The following CLIP3 variants were observed in gnomAD, a reference collection of about 807,000 sequenced individuals.
The protein encoded by CLIP3 is CAP-Gly domain-containing linker protein 3.
CLIP3 carries 15 observed loss-of-function variants against 59.4 expected under a neutral mutation model. That is an observed-to-expected ratio of 0.25 (90% CI 0.17 to 0.39). The LOEUF (loss-of-function observed/expected upper bound fraction) is 0.39, where lower values mean the gene tolerates loss of function less well. Among genes scored for constraint, CLIP3 ranks in the 10% least tolerant of loss-of-function variants. The probability of loss-of-function intolerance (pLI) is 1.00; values close to 1 mark genes in which losing one functional copy is unlikely to be tolerated. For missense variants in CLIP3, 495 were observed against 765.7 expected, an observed-to-expected ratio of 0.65 and a Z score of 4.17; for synonymous variants, 300 against 321.6, an observed-to-expected ratio of 0.93 and a Z score of 0.72.
chr19:36,019,162 C>T lies in CLIP3; in HGVS notation c.1054+9G>A, dbSNP rs199604930. 684 of 1,613,906 alleles carry T rather than the reference C, an allele frequency of 4.2e-4. 5 individuals are homozygous for T. The East Asian group carries it at 7.8e-3, about 18-fold the overall frequency. On this transcript the variant is annotated intron_variant, in intron 8 of 13. Coordinates refer to ENST00000360535, the MANE Select transcript of CLIP3 (RefSeq NM_015526.3). ...GCCACACCCCTCTTGGGCCCGAGGT[C>T]GGACTAACCCTGCTTGGGAGGGCAG...
In CLIP3 at chr19:36,026,485, C is replaced by T. The variant is rs1417060542; in HGVS notation, c.562+101G>A. On this transcript the variant is annotated intron_variant, in intron 5 of 13. Coordinates refer to ENST00000360535, the MANE Select transcript of CLIP3 (RefSeq NM_015526.3). The surrounding 1 kb of genome is among the most constrained non-coding windows in gnomAD (Gnocchi z 6.3). The stretch of plus-strand genomic sequence containing the variant: ...CGCCTCCAACCTCCCGCTATCTCCT[C>T]AGATCACCGTCCTCCTTCCCCTCGC... 4 of 1,510,630 alleles carry T rather than the reference C, an allele frequency of 2.6e-6. No homozygotes were observed. Among genetic ancestry groups the T allele is most frequent in the Non-Finnish European group, 3.6e-6 (4 of 1,109,996 alleles). The allele number at this position is 1,510,630 out of a possible 1,614,324, so 93.6% of individuals were successfully genotyped here.
rs983925993 is a variant in CLIP3 at position 36,016,279 on chromosome 19, C to T, written c.1590-67G>A. 3 of 1,569,616 alleles carry T rather than the reference C, an allele frequency of 1.9e-6. No homozygotes were observed. In the Admixed American group the frequency reaches 5.1e-5, roughly 27 times the overall value. ...CGGGGACATCTGCACCCATCACCCC[C>T]AGCCTTTCCCCCAGTGTTTGCTATC... On this transcript the variant is annotated intron_variant, in intron 13 of 13. Coordinates refer to ENST00000360535, the MANE Select transcript of CLIP3 (RefSeq NM_015526.3). This position sits in a 1 kb window ranked among gnomAD's most constrained non-coding sequence, Gnocchi z 4.1.
chr19:36,032,391 G>T lies in CLIP3; in HGVS notation c.-34C>A. 8.8e-7 allele frequency: 1 copy of T among 1,140,896 alleles called. No individual in the cohort carries two copies. The highest frequency in any genetic ancestry group is 1.1e-6 in the Non-Finnish European group (1 of 891,622). 70.7% of individuals were successfully genotyped at this position (1,140,896 alleles called of 1,614,324 possible). On this transcript the variant is annotated 5_prime_UTR_variant, in exon 2 of 14. Transcript: ENST00000360535. This position sits in a 1 kb window ranked among gnomAD's most constrained non-coding sequence, Gnocchi z 4.3. ...GTGGCCCTCGGGGGGCGGGTGCAGAGTTGGGGGCAGCCTTCAGGCAAATCC... is the reference window on the plus strand; with the variant it reads ...GTGGCCCTCGGGGGGCGGGTGCAGATTTGGGGGCAGCCTTCAGGCAAATCC...
intron 6 of CLIP3, among the ~76,000 whole-genome samples, chr19:36,025,622 G>C (rs1204841963): frequency 6.6e-6 from 1 of 151,596 alleles, no homozygotes; most frequent in Non-Finnish European, 1.5e-5. Context: ...GAGAGAGTGA[G>C]AGTGGGCTCC....
chr19:36,031,023 CT>C (rs55762943), intron 2 of CLIP3, among the ~76,000 whole-genome samples: 1,237 of 80,068 alleles, frequency 0.015, 20 homozygotes, highest in East Asian at 0.083. Flanking sequence ...TTTTTTTTTT[CT>C]TTTTTTTTTT....
At position 36,032,873 on chromosome 19, in the gene CLIP3, G is replaced by C. The variant is rs1214390102; in HGVS notation, c.-208C>G. The C allele has an allele frequency of 6.6e-6, 1 of 152,520 alleles. No individual in the cohort carries two copies. The highest frequency in any genetic ancestry group is 1.9e-4 in the East Asian group (1 of 5,190). The allele number at this position is 152,520 out of a possible 1,614,324, so 9.4% of individuals were successfully genotyped here. A position where few individuals can be genotyped will look rare whatever the true frequency, so the allele number is the denominator to read the frequency against. On this transcript the variant is annotated 5_prime_UTR_variant, in exon 1 of 14. Coordinates refer to ENST00000360535, the MANE Select transcript of CLIP3 (RefSeq NM_015526.3). The surrounding 1 kb of genome is among the most constrained non-coding windows in gnomAD (Gnocchi z 4.3). ...CGCCGACAGGGGGTGGGGGCGGAGA[G>C]GGAGGGGCGCGACTGCGCATGCGCC...
At chr19:36,029,704 A>G (rs949847926) in intron 2 of CLIP3, among the ~76,000 whole-genome samples, 2 of 151,786 alleles carry the variant, frequency 1.3e-5, no homozygotes, top group Non-Finnish European at 2.9e-5. Context: ...CTATGATTCT[A>G]TTCTGCCTCA....
At position 36,016,330 on chromosome 19, in the gene CLIP3, C is replaced by G. The variant is rs1392014544; in HGVS notation, c.1590-118G>C. ...AGGCCTTTCTGGATTCTGCCTCTAC[C>G]TCTCTGGCTGTGGTTTGTTTGTTTG... On this transcript the variant is annotated intron_variant, in intron 13 of 13. Transcript: ENST00000360535. This position sits in a 1 kb window ranked among gnomAD's most constrained non-coding sequence, Gnocchi z 4.1. 8.9e-7 allele frequency: 1 copy of G among 1,126,776 alleles called. No homozygotes were observed. The highest frequency in any genetic ancestry group is 1.3e-6 in the Non-Finnish European group (1 of 758,740). 69.8% of individuals were successfully genotyped at this position (1,126,776 alleles called of 1,614,324 possible).
rs1968788884 is a variant in CLIP3 at position 36,016,058 on chromosome 19, A to C, written c.*100T>G. 1 of 1,258,500 alleles carries C rather than the reference A, an allele frequency of 7.9e-7. No homozygotes were observed. Among genetic ancestry groups the C allele is most frequent in the South Asian group, 1.2e-5 (1 of 80,702 alleles). 78.0% of individuals were successfully genotyped at this position (1,258,500 alleles called of 1,614,324 possible). ...TGGCTAACAGGGGTCTCTACTCTGG[A>C]TGTGTTACTGGGAATCTCTATCTCA... On this transcript the variant is annotated 3_prime_UTR_variant, in exon 14 of 14. Transcript: ENST00000360535. This position sits in a 1 kb window ranked among gnomAD's most constrained non-coding sequence, Gnocchi z 4.1.
chr19:36,016,711 C>T lies in CLIP3; in HGVS notation c.1589+196G>A, dbSNP rs532533269. ...GTTCTGCTTCCTTTACCGGCCCACC[C>T]GAAAGTGGAATTCACTAGAATTCAG... On this transcript the variant is annotated intron_variant, in intron 13 of 13. Coordinates refer to ENST00000360535, the MANE Select transcript of CLIP3 (RefSeq NM_015526.3). This position sits in a 1 kb window ranked among gnomAD's most constrained non-coding sequence, Gnocchi z 4.1. The T allele has an allele frequency of 1.6e-5, 10 of 609,730 alleles. No homozygotes were observed. Among genetic ancestry groups the T allele is most frequent in the Non-Finnish European group, 2.6e-5 (9 of 342,948 alleles). 37.8% of individuals were successfully genotyped at this position (609,730 alleles called of 1,614,324 possible).
At chr19:36,017,564 C>G in intron 11 of CLIP3, 91 bp downstream of exon 11, 1 of 1,602,140 alleles carries the variant, frequency 6.2e-7, no homozygotes, top group Non-Finnish European at 8.5e-7. Context: ...GGTGTCCACA[C>G]TGTCCTGCTG....
chr19:36,025,590 C>CAA (rs67275508), intron 6 of CLIP3, among the ~76,000 whole-genome samples: 1,205 of 110,702 alleles, frequency 0.011, 8 homozygotes, highest in Non-Finnish European at 0.013. Context: ...GTCTCTGTCT[C>CAA]AAAAAAAAAA....
At position 36,017,939 on chromosome 19, in the gene CLIP3, G is replaced by T. The variant is rs145094010; in HGVS notation, c.1236C>A (p.Asp412Glu). ...SPSLGSLQQR[D>E]GAKAEVGDQV... Reference sequence around the variant, plus strand: ...GGTCTCCAACCTCAGCCTTGGCCCCGTCACGCTGCTGCAAGCTGCCCAGAG... The same window carrying T: ...GGTCTCCAACCTCAGCCTTGGCCCCTTCACGCTGCTGCAAGCTGCCCAGAG... Residue 412 changes from aspartate to glutamate, a missense_variant, in exon 10 of 14, where the codon GAC (aspartate) becomes GAA (glutamate). Physicochemically the swap from Asp to Glu is conservative, Grantham distance 45. Coordinates refer to ENST00000360535, the MANE Select transcript of CLIP3 (RefSeq NM_015526.3). The T allele has an allele frequency of 6.2e-7, 1 of 1,614,016 alleles. No individual in the cohort carries two copies.
chr19:36,019,598 A>ATTT (rs200645934), intron 7 of CLIP3, among the ~76,000 whole-genome samples: 1,349 of 99,136 alleles, frequency 0.014, 20 homozygotes, highest in East Asian at 0.074. Flanking sequence ...TTATTTATTT[A>ATTT]TTTTATTTAT....
At chr19:36,030,253 C>G (rs938122321) in intron 2 of CLIP3, among the ~76,000 whole-genome samples, 5 of 151,946 alleles carry the variant, frequency 3.3e-5, no homozygotes, top group Non-Finnish European at 7.4e-5. Flanking sequence ...GGGTCTTGCT[C>G]CATTGCCCAG....
At chr19:36,030,874 C>T (rs1969235268) in intron 2 of CLIP3, among the ~76,000 whole-genome samples, 1 of 152,150 alleles carries the variant, frequency 6.6e-6, no homozygotes, top group Admixed American at 6.6e-5. Flanking sequence ...CTGATTCCTC[C>T]CCATGCTCTG....
chr19:36,024,686 C>G (rs1969048687), intron 6 of CLIP3, 54 bp from the exon 7 acceptor site: 21 of 1,540,254 alleles, frequency 1.4e-5, no homozygotes, highest in Non-Finnish European at 1.7e-5. Context: ...GTCACACCCC[C>G]ATGGAGGCCC....
chr19:36,028,996 CTTTTTT>C (rs71167588), intron 2 of CLIP3, among the ~76,000 whole-genome samples: 2 of 65,212 alleles, frequency 3.1e-5, no homozygotes, highest in African/African-American at 6.6e-5. Flanking sequence ...ATCTCCTACT[CTTTTTT>C]TTTTTTTTTT....
intron 11 of CLIP3, 97 bp downstream of exon 11, chr19:36,017,558 T>A: frequency 6.3e-7 from 1 of 1,598,788 alleles, no homozygotes; most frequent in Non-Finnish European, 8.6e-7. Context: ...CTCGGGGGTG[T>A]CCACACTGTC....
Sources: gnomAD v4.1 joint callset for allele counts (sites outside exome capture counted in the v4.1 genomes callset) on GRCh38, gnomAD v4.1.1 for gene constraint, Gnocchi (gnomAD v3.1) non-coding constraint, MANE v1.5 for transcripts, NCBI Gene and HGNC (gene_info 2026-07-23, HGNC 2026-07-21) for gene names.